PTPRN2: variants seen among roughly 807,000 people sequenced by gnomAD.
PTPRN2 encodes receptor-type tyrosine-protein phosphatase N2.
Under a neutral mutation model 118.8 loss-of-function variants are expected in PTPRN2, and 74 were observed. That is an observed-to-expected ratio of 0.62 (90% CI 0.52 to 0.76). The LOEUF (loss-of-function observed/expected upper bound fraction) is 0.76. Ranked by LOEUF, PTPRN2 falls within the 30% of genes least tolerant of loss-of-function variation. The probability of loss-of-function intolerance (pLI) is 0.00; values close to 1 mark genes in which losing one functional copy is unlikely to be tolerated. For missense variants in PTPRN2, 1,481 were observed against 1,394.4 expected (o/e 1.06, Z -0.99); for synonymous variants, 641 against 608.0 (o/e 1.05, Z -0.80).
At chr7:157,984,034 G>C (rs1803521591) in intron 11 of PTPRN2, among the ~76,000 whole-genome samples, 1 of 152,142 alleles carries the variant, frequency 6.6e-6, no homozygotes, top group African/African-American at 2.4e-5. Context: ...TGGAGAATCT[G>C]CCTGACAGGG....
intron 11 of PTPRN2, among the ~76,000 whole-genome samples, chr7:158,013,020 T>C (rs1318822037): frequency 6.6e-6 from 1 of 152,204 alleles, no homozygotes; most frequent in African/African-American, 2.4e-5. Flanking sequence ...GTGCCCATCC[T>C]TCCACCCACA....
At chr7:157,966,067 T>A (rs887314591) in intron 11 of PTPRN2, among the ~76,000 whole-genome samples, 2 of 151,700 alleles carry the variant, frequency 1.3e-5, no homozygotes, top group African/African-American at 4.8e-5. Flanking sequence ...GTTTTATCCC[T>A]GTAAAGTCTA....
chr7:158,377,960 A>G lies in PTPRN2; in HGVS notation c.164-61028T>C, dbSNP rs115774513. Among the ~76,000 whole-genome samples, 1,106 of 152,278 alleles carry G rather than the reference A, an allele frequency of 7.3e-3. 12 individuals are homozygous for G. The highest frequency in any genetic ancestry group is 0.025 in the African/African-American group (1,053 of 41,568). On this transcript the variant is annotated intron_variant, in intron 2 of 22. Coordinates refer to ENST00000389418, the MANE Select transcript of PTPRN2 (RefSeq NM_002847.5). ...GGCAAGGAAGAGCTCTGTGTGGTCC[A>G]GATGTGACACAGCCAGTCCTGGCGC...
At chr7:158,200,354 T>C (rs1049972981) in intron 4 of PTPRN2, among the ~76,000 whole-genome samples, 13 of 152,214 alleles carry the variant, frequency 8.5e-5, no homozygotes, top group Admixed American at 2.6e-4. Flanking sequence ...AATCCACTAA[T>C]GATGGACGCC....
At chr7:157,772,699 C>T (rs1465817096) in intron 12 of PTPRN2, among the ~76,000 whole-genome samples, 2 of 152,352 alleles carry the variant, frequency 1.3e-5, no homozygotes, top group African/African-American at 2.4e-5. Context: ...TGGGTCTCAG[C>T]GTTGGGTCTC....
intron 2 of PTPRN2, among the ~76,000 whole-genome samples, chr7:158,350,184 G>A (rs1412499558): frequency 6.6e-6 from 1 of 152,176 alleles, no homozygotes; most frequent in East Asian, 1.9e-4. Context: ...ACAGATGGAG[G>A]CTCCATTGAG....
chr7:158,057,618 C>A (rs1809894129), intron 11 of PTPRN2, among the ~76,000 whole-genome samples: 1 of 152,200 alleles, frequency 6.6e-6, no homozygotes, highest in South Asian at 2.1e-4. Flanking sequence ...GCCCTCCCCT[C>A]CTGAGCAAAG....
At chr7:158,566,558 G>A (rs1054728046) in intron 1 of PTPRN2, among the ~76,000 whole-genome samples, 10 of 152,250 alleles carry the variant, frequency 6.6e-5, no homozygotes, top group African/African-American at 2.2e-4. Context: ...GGACTAGGGA[G>A]CCCTGGACAC....
rs1803039532 is a variant in PTPRN2, at chr7:157,619,795, G to C, written c.2344+1567C>G. 5.9e-5 allele frequency among the ~76,000 whole-genome samples: 9 copies of C among 152,202 alleles called. No homozygotes were observed. The highest frequency in any genetic ancestry group is 5.9e-4 in the Admixed American group (9 of 15,288). ...TGTAACACTTCCTGAGGGCTGGAAG[G>C]AGGGCAAGGGCAGTGCCTCTCCCTG... is the stretch of plus-strand genomic sequence containing the variant. On this transcript the variant is annotated intron_variant, in intron 15 of 22. Coordinates refer to ENST00000389418, the MANE Select transcript of PTPRN2 (RefSeq NM_002847.5). This position sits in a 1 kb window ranked among gnomAD's most constrained non-coding sequence, Gnocchi z 5.3.
At chr7:158,196,427 G>C (rs958626604) in intron 4 of PTPRN2, among the ~76,000 whole-genome samples, 4 of 152,178 alleles carry the variant, frequency 2.6e-5, no homozygotes, top group African/African-American at 7.2e-5. Context: ...CACCATGGGG[G>C]TCTGCCTCAC....
chr7:157,696,798 G>A (rs1427554657), intron 12 of PTPRN2, among the ~76,000 whole-genome samples: 26 of 122,062 alleles, frequency 2.1e-4, no homozygotes, highest in Non-Finnish European at 2.6e-4. Context: ...ACTGGATCTT[G>A]GCAGAGCCCT....
chr7:157,943,342 C>T (rs1183577021), intron 11 of PTPRN2, among the ~76,000 whole-genome samples: 1 of 152,112 alleles, frequency 6.6e-6, no homozygotes, highest in Non-Finnish European at 1.5e-5. Context: ...CCTCCCATGC[C>T]CCAGACGGTC....
intron 12 of PTPRN2, among the ~76,000 whole-genome samples, chr7:157,795,385 A>G (rs920887753): frequency 6.6e-6 from 1 of 152,202 alleles, no homozygotes; most frequent in South Asian, 2.1e-4. Context: ...CCGACTCCAC[A>G]TGGGGCCTCA....
chr7:157,675,010 C>T (rs1796597717), intron 13 of PTPRN2, among the ~76,000 whole-genome samples: 1 of 152,202 alleles, frequency 6.6e-6, no homozygotes, highest in South Asian at 2.1e-4. Context: ...AGCACAGCGC[C>T]CCTTGGGTGG....
chr7:157,742,634 A>G (rs1051676557), intron 12 of PTPRN2, among the ~76,000 whole-genome samples: 7 of 152,184 alleles, frequency 4.6e-5, no homozygotes, highest in African/African-American at 1.7e-4. Flanking sequence ...CACACCCAGA[A>G]TCTAGGGTGG....
At chr7:158,021,831 A>C (rs1806895885) in intron 11 of PTPRN2, among the ~76,000 whole-genome samples, 1 of 152,228 alleles carries the variant, frequency 6.6e-6, no homozygotes, top group Admixed American at 6.5e-5. Flanking sequence ...TACATCGGCC[A>C]ACCCTAGTTT....
intron 3 of PTPRN2, among the ~76,000 whole-genome samples, chr7:158,291,579 C>A (rs1188523518): frequency 6.6e-6 from 1 of 152,160 alleles, no homozygotes; most frequent in South Asian, 2.1e-4. Flanking sequence ...AAATAGAGTT[C>A]TGTGGCAAGA....
rs1816447077 is a variant in PTPRN2 at position 158,434,631 on chromosome 7, A to T, written c.163+55104T>A. Among the ~76,000 whole-genome samples the T allele has an allele frequency of 2.0e-5, 3 of 152,090 alleles. No homozygotes were observed. In the South Asian group the frequency reaches 6.2e-4, roughly 31 times the overall value. On this transcript the variant is annotated intron_variant, in intron 2 of 22. Transcript: ENST00000389418. The stretch of plus-strand genomic sequence containing the variant: ...AATTTTTGAGTGGAGTATTTATCTC[A>T]TTTATTTACAATGAAATTACTAATA...
At chr7:158,559,202 A>C (rs1283728393) in intron 1 of PTPRN2, among the ~76,000 whole-genome samples, 1 of 152,256 alleles carries the variant, frequency 6.6e-6, no homozygotes, top group Non-Finnish European at 1.5e-5. Context: ...AATAAGAAAA[A>C]TATTTTGTAT....
Sources: gnomAD v4.1 joint callset for allele counts (sites outside exome capture counted in the v4.1 genomes callset) on GRCh38, gnomAD v4.1.1 for gene constraint, Gnocchi (gnomAD v3.1) non-coding constraint, MANE v1.5 for transcripts, NCBI Gene and HGNC (gene_info 2026-07-23, HGNC 2026-07-21) for gene names.